TIAM1: variants seen among roughly 807,000 people sequenced by gnomAD.
The protein encoded by TIAM1 is TIAM Rac1 associated GEF 1.
TIAM1 carries 65 observed loss-of-function variants against 163.5 expected under a neutral mutation model. The ratio of observed to expected loss-of-function variants is 0.40; its 90% CI spans 0.33 to 0.49. The LOEUF (loss-of-function observed/expected upper bound fraction) is 0.49, where lower values mean the gene tolerates loss of function less well. TIAM1 is among the 20% of genes least tolerant of loss of function. TIAM1 has a pLI of 0.77. For synonymous variants in TIAM1, 833 were observed against 810.1 expected (o/e 1.03, Z -0.48); for missense variants, 1,789 against 2,044.7 (o/e 0.87, Z 2.41).
intron 1 of TIAM1, among the ~76,000 whole-genome samples, chr21:31,480,725 A>ACATT (rs59321897): frequency 0.026 from 3,985 of 152,154 alleles, 168 homozygotes; most frequent in African/African-American, 0.091. Flanking sequence ...GGATTCAACA[A>ACATT]CATTCATTCA....
chr21:31,415,408 T>C (rs2043336993), intron 2 of TIAM1, among the ~76,000 whole-genome samples: 1 of 152,208 alleles, frequency 6.6e-6, no homozygotes, highest in Non-Finnish European at 1.5e-5. Context: ...ATCATAGCTA[T>C]TCAAAATATT....
intron 2 of TIAM1, among the ~76,000 whole-genome samples, chr21:31,325,705 A>C (rs962230632): frequency 2.0e-5 from 3 of 151,822 alleles, no homozygotes; most frequent in Non-Finnish European, 4.4e-5. Flanking sequence ...AAGAAGGTTC[A>C]TCTAAAATAA....
At position 31,177,887 on chromosome 21, in the gene TIAM1, C is replaced by T. The variant is rs573320123; in HGVS notation, c.2887+4534G>A. Among the ~76,000 whole-genome samples, 8 of 152,256 alleles carry T rather than the reference C, an allele frequency of 5.3e-5. No homozygotes were observed. The South Asian group carries it at 1.7e-3, about 32-fold the overall frequency. Reference sequence around the variant, plus strand: ...AGGTAGCAGCCAGCACTCACGTGGACCCCAAGGTCCCTGAGACCCAGCAAG... The same window carrying T: ...AGGTAGCAGCCAGCACTCACGTGGATCCCAAGGTCCCTGAGACCCAGCAAG... On this transcript the variant is annotated intron_variant, in intron 15 of 27. Coordinates refer to ENST00000541036, the MANE Select transcript of TIAM1 (RefSeq NM_001353694.2).
chr21:31,263,445 T>A (rs1481071668), intron 4 of TIAM1, among the ~76,000 whole-genome samples: 1 of 152,194 alleles, frequency 6.6e-6, no homozygotes, highest in Non-Finnish European at 1.5e-5. Context: ...CTTTAGATGA[T>A]CTCACTTCCA....
chr21:31,366,511 A>G (rs2076506724), intron 2 of TIAM1, among the ~76,000 whole-genome samples: 1 of 152,196 alleles, frequency 6.6e-6, no homozygotes, highest in South Asian at 2.1e-4. Flanking sequence ...ATCAGGAGAA[A>G]GCTCAATGTC....
At chr21:31,386,754 G>A (rs891578906) in intron 2 of TIAM1, among the ~76,000 whole-genome samples, 3 of 152,296 alleles carry the variant, frequency 2.0e-5, no homozygotes, top group South Asian at 4.1e-4. Flanking sequence ...TGGAAGGAAA[G>A]TAACAGCCAG....
At chr21:31,546,556 AAAAGAAAGAAAG>A (rs58230083) in intron 1 of TIAM1, among the ~76,000 whole-genome samples, 6 of 143,308 alleles carry the variant, frequency 4.2e-5, no homozygotes, top group Admixed American at 2.2e-4. Flanking sequence ...TCTCAAAAAA[AAAAGAAAGAAAG>A]AAAGAAAGAA....
At chr21:31,410,882 A>T (rs2077346199) in intron 2 of TIAM1, among the ~76,000 whole-genome samples, 1 of 152,152 alleles carries the variant, frequency 6.6e-6, no homozygotes, top group South Asian at 2.1e-4. Context: ...AACTAAAATA[A>T]GGCATACAAA....
At chr21:31,499,491 C>T (rs548076103) in intron 1 of TIAM1, among the ~76,000 whole-genome samples, 140 of 151,894 alleles carry the variant, frequency 9.2e-4, no homozygotes, top group Non-Finnish European at 1.5e-3. Flanking sequence ...TGGTGAGCAA[C>T]GGTCACGCTG....
Position 31,210,631 on chromosome 21 carries a change from A to AGCG in TIAM1, c.2218-417_2218-416insCGC, listed in dbSNP as rs1569031853. Among the ~76,000 whole-genome samples, 62 of 23,494 alleles carry AGCG rather than the reference A, an allele frequency of 2.6e-3. 3 individuals are homozygous for AGCG. Among genetic ancestry groups the AGCG allele is most frequent in the Admixed American group, 2.0e-3 (5 of 2,528 alleles). The allele number at this position is 23,494 out of a possible 152,430, so 15.4% of individuals were successfully genotyped here. A position where few individuals can be genotyped will look rare whatever the true frequency, so the allele number is the denominator to read the frequency against. ...GAAGGAAGGGAGAAAGAAAGAAAGAAAGAAAGAAAGAAAGAAAGAAAGAAA... is the reference window on the plus strand; with the variant it reads ...GAAGGAAGGGAGAAAGAAAGAAAGAAGCGAGAAAGAAAGAAAGAAAGAAAGAAA... On this transcript the variant is annotated intron_variant, in intron 10 of 27. Coordinates refer to ENST00000541036, the MANE Select transcript of TIAM1 (RefSeq NM_001353694.2).
intron 6 of TIAM1, among the ~76,000 whole-genome samples, chr21:31,241,081 T>G (rs1202750670): frequency 6.6e-6 from 1 of 152,222 alleles, no homozygotes; most frequent in South Asian, 2.1e-4. Flanking sequence ...AAGAAGACTT[T>G]GCTCCTCCTT....
At chr21:31,195,574 G>GA (rs1484054289) in intron 12 of TIAM1, among the ~76,000 whole-genome samples, 1 of 152,110 alleles carries the variant, frequency 6.6e-6, no homozygotes, top group Non-Finnish European at 1.5e-5. Flanking sequence ...TCACAGACCT[G>GA]AAAAATAATG....
In TIAM1 at chr21:31,411,544, C is replaced by T. The variant is rs370051197; in HGVS notation, c.-369+52439G>A. Among the ~76,000 whole-genome samples the T allele has an allele frequency of 1.1e-4, 17 of 149,026 alleles. No homozygotes were observed. In the South Asian group the frequency reaches 3.4e-3, roughly 30 times the overall value. The stretch of plus-strand genomic sequence containing the variant: ...AGGCTGGAGTGCAATGGCGCCATCT[C>T]GGCTCACTGCAACCTCTGCCTCCCA... On this transcript the variant is annotated intron_variant, in intron 2 of 28. Coordinates refer to the TIAM1 transcript ENST00000286827.
Position 31,227,632 on chromosome 21 carries a change from A to C in TIAM1, c.1585-1682T>G, listed in dbSNP as rs551202012. ...ATAAAGAAACCGGAAGCCACAGGTG[A>C]GGACTTGTAGATTGAGAAACTTAGG... On this transcript the variant is annotated intron_variant, in intron 6 of 27. Coordinates refer to ENST00000541036, the MANE Select transcript of TIAM1 (RefSeq NM_001353694.2). 5.9e-5 allele frequency among the ~76,000 whole-genome samples: 9 copies of C among 152,356 alleles called. No homozygotes were observed. The South Asian group carries it at 1.7e-3, about 28-fold the overall frequency.
chr21:31,425,886 T>C (rs1184936422), intron 2 of TIAM1, among the ~76,000 whole-genome samples: 1 of 151,774 alleles, frequency 6.6e-6, no homozygotes, highest in Non-Finnish European at 1.5e-5. Flanking sequence ...TTAATAGAGA[T>C]AGGGTTTTGC....
chr21:31,194,647 A>C (rs2085760217), intron 13 of TIAM1, among the ~76,000 whole-genome samples: 2 of 152,204 alleles, frequency 1.3e-5, no homozygotes, highest in Admixed American at 1.3e-4. Flanking sequence ...AACTTTCAGG[A>C]AGCAAGTAGA....
intron 2 of TIAM1, among the ~76,000 whole-genome samples, chr21:31,380,609 C>T (rs972644939): frequency 2.6e-5 from 4 of 151,902 alleles, no homozygotes; most frequent in South Asian, 4.2e-4. Flanking sequence ...TGGAAGTGTA[C>T]ATTTTAAATG....
At position 31,130,212 on chromosome 21, in the gene TIAM1, C is replaced by T; in HGVS notation, c.4045+1G>A. On this transcript the variant is annotated splice_donor_variant, in intron 25 of 27. Coordinates refer to ENST00000541036, the MANE Select transcript of TIAM1 (RefSeq NM_001353694.2). LOFTEE classifies it high-confidence loss of function. ...AATACCCAGCACAGGTGAGAGTTTACCTGCACTCGCCAAAGCTCGAACCTG... is the reference window on the plus strand; with the variant it reads ...AATACCCAGCACAGGTGAGAGTTTATCTGCACTCGCCAAAGCTCGAACCTG... The T allele has an allele frequency of 6.2e-7, 1 of 1,613,628 alleles. No individual in the cohort carries two copies. Among genetic ancestry groups the T allele is most frequent in the South Asian group, 1.1e-5 (1 of 91,060 alleles).
chr21:31,322,805 T>G (rs1276622997), intron 2 of TIAM1, among the ~76,000 whole-genome samples: 2 of 152,130 alleles, frequency 1.3e-5, no homozygotes, highest in Non-Finnish European at 2.9e-5. Flanking sequence ...TATCTACACA[T>G]GCAATTGTAT....
Sources: allele counts gnomAD v4.1 joint callset (sites outside exome capture counted in the v4.1 genomes callset), GRCh38; gene constraint gnomAD v4.1.1; transcripts MANE v1.5; gene names NCBI Gene and HGNC (gene_info 2026-07-23, HGNC 2026-07-21).